The following ZNF248 variants were observed in gnomAD, a reference collection of about 807,000 sequenced individuals.
ZNF248 encodes KRAB protein domain.
ZNF248 carries 20 observed loss-of-function variants against 44.3 expected under a neutral mutation model. The observed-to-expected ratio is 0.45, with a 90% CI of 0.32 to 0.66. The LOEUF (loss-of-function observed/expected upper bound fraction) is 0.66, where lower values mean the gene tolerates loss of function less well. Ranked by LOEUF, ZNF248 falls within the 30% of genes least tolerant of loss-of-function variation. ZNF248 has a pLI of 0.04. For missense variants in ZNF248, 654 were observed against 677.0 expected (o/e 0.97, Z 0.38); for synonymous variants, 224 against 229.0 (o/e 0.98, Z 0.20).
Position 37,830,341 on chromosome 10 carries a change from A to T in ZNF248, c.*1274T>A, listed in dbSNP as rs1441917126. On this transcript the variant is annotated 3_prime_UTR_variant, in exon 6 of 6. Transcript: ENST00000395867. ...TTCAATAATGGCCATATTCATGCATATATGCCAGGAAACAGTCAGAGGAAA... is the reference window on the plus strand; with the variant it reads ...TTCAATAATGGCCATATTCATGCATTTATGCCAGGAAACAGTCAGAGGAAA... 1.0e-6 allele frequency: 1 copy of T among 980,292 alleles called. No individual in the cohort carries two copies. Among genetic ancestry groups the T allele is most frequent in the Non-Finnish European group, 1.2e-6 (1 of 825,482 alleles). 60.7% of individuals were successfully genotyped at this position (980,292 alleles called of 1,614,324 possible).
At chr10:37,776,617 G>T (rs537485346) in intron 6 of ZNF248, 11 of 397,668 alleles carry the variant, frequency 2.8e-5, no homozygotes, top group African/African-American at 2.1e-4. Flanking sequence ...TTCACTCAGG[G>T]TTCCAAATCT....
chr10:37,847,634 G>A (rs780526714), intron 3 of ZNF248, among the ~76,000 whole-genome samples: 26 of 151,998 alleles, frequency 1.7e-4, no homozygotes, highest in Non-Finnish European at 3.1e-4. Flanking sequence ...GCTGAATCTA[G>A]GTAAAAATTA....
downstream of ZNF248, among the ~76,000 whole-genome samples, chr10:37,775,050 A>G (rs1171875866): frequency 6.6e-6 from 1 of 152,102 alleles, no homozygotes; most frequent in African/African-American, 2.4e-5. Flanking sequence ...GATTTCAGGC[A>G]TGAGCCACCA....
chr10:37,836,497 C>CT (rs2057202918), intron 5 of ZNF248, among the ~76,000 whole-genome samples: 1 of 152,276 alleles, frequency 6.6e-6, no homozygotes, highest in South Asian at 2.1e-4. Flanking sequence ...ACACACCTGT[C>CT]TAAGAGGTTT....
At chr10:37,789,389 G>A (rs1329881788) in intron 6 of ZNF248, among the ~76,000 whole-genome samples, 1 of 152,116 alleles carries the variant, frequency 6.6e-6, no homozygotes, top group African/African-American at 2.4e-5. Flanking sequence ...TTGTTAGGTG[G>A]AGAGGGCAAA....
rs746389341 is a variant in ZNF248 at position 37,791,143 on chromosome 10, G to A, written c.331-14568C>T. 6.2e-5 allele frequency among the ~76,000 whole-genome samples: 8 copies of A among 128,018 alleles called. No homozygotes were observed. In the Middle Eastern group the frequency reaches 0.013, roughly 207 times the overall value. The allele number at this position is 128,018 out of a possible 152,430, so 84.0% of individuals were successfully genotyped here. Reference sequence around the variant, plus strand: ...ATCTGAACCTGCTTCCCGGGTTCACGCCATTCTCCTGCCTCAGCCTCCCAA... The same window carrying A: ...ATCTGAACCTGCTTCCCGGGTTCACACCATTCTCCTGCCTCAGCCTCCCAA... On this transcript the variant is annotated intron_variant, in intron 6 of 6. Coordinates refer to the ZNF248 transcript ENST00000615949.
downstream of ZNF248, among the ~76,000 whole-genome samples, chr10:37,774,664 C>G (rs1052714638): frequency 6.6e-6 from 1 of 152,194 alleles, no homozygotes; most frequent in Non-Finnish European, 1.5e-5. Flanking sequence ...AGGCAGCATG[C>G]ATTTCAGGCT....
At chr10:37,853,412 C>CTT (rs2060673141) in intron 3 of ZNF248, among the ~76,000 whole-genome samples, 1 of 152,192 alleles carries the variant, frequency 6.6e-6, no homozygotes, top group African/African-American at 2.4e-5. Flanking sequence ...GAGTCTCGCT[C>CTT]TGTCGCCCAG....
At chr10:37,788,823 A>G (rs192168815) in intron 6 of ZNF248, among the ~76,000 whole-genome samples, 3 of 152,306 alleles carry the variant, frequency 2.0e-5, no homozygotes, top group Admixed American at 6.5e-5. Flanking sequence ...ATTTTGTTAA[A>G]TAAAAGGAGT....
rs1232266716 is a variant in ZNF248, at chr10:37,820,691, GTC to G, written c.330+12332_330+12333del. The G allele has an allele frequency of 1.3e-4, 177 of 1,371,260 alleles. No homozygotes were observed. In the South Asian group the frequency reaches 2.0e-3, roughly 15 times the overall value. The allele number at this position is 1,371,260 out of a possible 1,614,324, so 84.9% of individuals were successfully genotyped here. On this transcript the variant is annotated intron_variant, in intron 6 of 6. Transcript: ENST00000615949. ...CTGGTCATTCTGCTTTTTCTCGGGA[GTC>G]TCTACTTCTTTATCACTCAAGGATC...
At chr10:37,843,096 G>C (rs1350084332) in intron 3 of ZNF248, among the ~76,000 whole-genome samples, 2 of 152,140 alleles carry the variant, frequency 1.3e-5, no homozygotes, top group Non-Finnish European at 2.9e-5. Flanking sequence ...CTGAAAGCAA[G>C]CTAAGGAACA....
rs1589601343 is a variant in ZNF248 at position 37,830,390 on chromosome 10, AAAT to A, written c.*1222_*1224del. 1.0e-6 allele frequency: 1 copy of A among 985,284 alleles called. No individual in the cohort carries two copies. Among genetic ancestry groups the A allele is most frequent in the African/African-American group, 1.7e-5 (1 of 57,222 alleles). The allele number at this position is 985,284 out of a possible 1,614,324, so 61.0% of individuals were successfully genotyped here. ...AAGGTACGTGATATAGTTCTTTGTG[AAAT>A]AATATTTCACTAAAAACATATACTG... On this transcript the variant is annotated 3_prime_UTR_variant, in exon 6 of 6. Transcript: ENST00000395867.
chr10:37,761,611 T>G, the ZNF248 span, among the ~76,000 whole-genome samples: 4 of 152,238 alleles, frequency 2.6e-5, no homozygotes, highest in East Asian at 7.7e-4. Flanking sequence ...CGTTGTTTCT[T>G]ACAATGGAAT....
chr10:37,770,117 T>C, the ZNF248 span, among the ~76,000 whole-genome samples: 1 of 152,006 alleles, frequency 6.6e-6, no homozygotes, highest in Non-Finnish European at 1.5e-5. Context: ...CTCAATGAAA[T>C]AAAAGAGGAT....
chr10:37,759,643 G>C, the ZNF248 span, among the ~76,000 whole-genome samples: 1 of 152,226 alleles, frequency 6.6e-6, no homozygotes, highest in African/African-American at 2.4e-5. Context: ...CAACAAGACA[G>C]AGCCTTTTTA....
intron 6 of ZNF248, among the ~76,000 whole-genome samples, chr10:37,810,623 G>GA (rs1395733052): frequency 6.6e-6 from 1 of 151,930 alleles, no homozygotes; most frequent in Non-Finnish European, 1.5e-5. Context: ...TAGAAATACT[G>GA]AAAAAATTAA....
chr10:37,820,644 C>T (rs1040057245), intron 6 of ZNF248: 12 of 1,520,338 alleles, frequency 7.9e-6, no homozygotes, highest in Admixed American at 1.7e-5. Flanking sequence ...TCATGTGGTT[C>T]GGCTTTTCTT....
At chr10:37,802,399 G>T (rs1469965615) in intron 6 of ZNF248, among the ~76,000 whole-genome samples, 1 of 152,190 alleles carries the variant, frequency 6.6e-6, no homozygotes, top group Non-Finnish European at 1.5e-5. Context: ...CAGGAGAGAC[G>T]CTGTGGAGGA....
the ZNF248 span, among the ~76,000 whole-genome samples, chr10:37,765,145 C>G: frequency 1.3e-5 from 2 of 151,932 alleles, no homozygotes; most frequent in African/African-American, 4.8e-5. Context: ...TTAGTAGAGA[C>G]AGGGTTTCTC....
Sources: allele counts gnomAD v4.1 joint callset (sites outside exome capture counted in the v4.1 genomes callset), GRCh38; gene constraint gnomAD v4.1.1; transcripts MANE v1.5; gene names NCBI Gene and HGNC (gene_info 2026-07-23, HGNC 2026-07-21).